Variants in ADARB2 observed in about 807,000 individuals in gnomAD.
The protein encoded by ADARB2 is inactive double-stranded RNA-specific editase B2.
In ADARB2, 25 loss-of-function variants were observed where a neutral mutation model predicts 62.2. The ratio of observed to expected loss-of-function variants is 0.40; its 90% CI spans 0.29 to 0.56. The LOEUF is 0.56. Among genes scored for constraint, ADARB2 ranks in the 20% least tolerant of loss-of-function variants. ADARB2 has a pLI of 0.43. For missense variants in ADARB2, 1,071 were observed against 1,077.4 expected (o/e 0.99, Z 0.08); for synonymous variants, 572 against 500.8 (o/e 1.14, Z -1.90).
intron 3 of ADARB2, among the ~76,000 whole-genome samples, chr10:1,279,605 C>T (rs1831352676): frequency 1.3e-5 from 2 of 152,184 alleles, no homozygotes; most frequent in South Asian, 2.1e-4. Context: ...TGTGAGTCAC[C>T]GTTCCTGGCC....
At chr10:1,247,040 G>A (rs1000341801) in intron 4 of ADARB2, among the ~76,000 whole-genome samples, 3 of 152,052 alleles carry the variant, frequency 2.0e-5, no homozygotes, top group African/African-American at 7.2e-5. Context: ...CCTTGAAGAG[G>A]TCCTTCACAT....
chr10:1,411,585 C>T (rs916934568), intron 1 of ADARB2, among the ~76,000 whole-genome samples: 2 of 152,230 alleles, frequency 1.3e-5, no homozygotes, highest in African/African-American at 2.4e-5. Flanking sequence ...ACTAAAGCGA[C>T]AGGCACCACA....
rs528809581 is a variant in ADARB2 at position 1,725,497 on chromosome 10, C to G, written c.100+11554G>C. 3.9e-5 allele frequency among the ~76,000 whole-genome samples: 6 copies of G among 152,180 alleles called. No homozygotes were observed. The South Asian group carries it at 1.2e-3, about 32-fold the overall frequency. ...AGCCCAGAGGAAGAGACGCCCAGGA[C>G]TCTGCGGTGGGGGAAGACCCCCTCC... On this transcript the variant is annotated intron_variant, in intron 1 of 9. Coordinates refer to ENST00000381312, the MANE Select transcript of ADARB2 (RefSeq NM_018702.4).
intron 1 of ADARB2, among the ~76,000 whole-genome samples, chr10:1,645,687 T>A (rs533791452): frequency 6.6e-6 from 1 of 152,136 alleles, no homozygotes; most frequent in South Asian, 2.1e-4. Context: ...AGTCCATCCC[T>A]GGCACTTGAC....
intron 1 of ADARB2, among the ~76,000 whole-genome samples, chr10:1,709,208 C>T (rs891426778): frequency 4.6e-5 from 7 of 152,152 alleles, no homozygotes; most frequent in Non-Finnish European, 1.5e-5. Context: ...TGCTAAGTCT[C>T]TTAAGGGGAT....
chr10:1,673,314 ATG>A (rs66687699), intron 1 of ADARB2, among the ~76,000 whole-genome samples: 44,792 of 149,600 alleles, frequency 0.3, 7,389 homozygotes, highest in East Asian at 0.4. Context: ...ATTTCATTTT[ATG>A]TGTGTGTGTG....
At chr10:1,664,643 G>T (rs141199544) in intron 1 of ADARB2, among the ~76,000 whole-genome samples, 1 of 152,180 alleles carries the variant, frequency 6.6e-6, no homozygotes, top group African/African-American at 2.4e-5. Flanking sequence ...CATCTCGGTC[G>T]TCTGGTAGGA....
chr10:1,634,670 TAGA>T (rs1273462947), intron 1 of ADARB2, among the ~76,000 whole-genome samples: 1 of 152,212 alleles, frequency 6.6e-6, no homozygotes, highest in East Asian at 1.9e-4. Flanking sequence ...CTCAAAACTT[TAGA>T]AGCACACAAT....
At chr10:1,574,815 A>T (rs1832988183) in intron 1 of ADARB2, among the ~76,000 whole-genome samples, 1 of 152,230 alleles carries the variant, frequency 6.6e-6, no homozygotes, top group African/African-American at 2.4e-5. Flanking sequence ...CGGGGGACAC[A>T]TACAGCCTGG....
chr10:1,668,651 G>A (rs1478006384), intron 1 of ADARB2, among the ~76,000 whole-genome samples: 2 of 152,182 alleles, frequency 1.3e-5, no homozygotes, highest in African/African-American at 4.8e-5. Context: ...GACCAACACT[G>A]TCACCATCTC....
chr10:1,440,707 C>A (rs113856464), intron 1 of ADARB2, among the ~76,000 whole-genome samples: 13 of 152,166 alleles, frequency 8.5e-5, no homozygotes, highest in African/African-American at 3.1e-4. Flanking sequence ...CCAAGATAAG[C>A]TATGAGCCAA....
chr10:1,675,938 G>T, intron 1 of ADARB2: 1 of 931,024 alleles, frequency 1.1e-6, no homozygotes, highest in Non-Finnish European at 1.3e-6. Flanking sequence ...AGTTGAATCT[G>T]CTCAGACTTG....
chr10:1,424,428 T>C (rs561839748), intron 1 of ADARB2, among the ~76,000 whole-genome samples: 1 of 152,224 alleles, frequency 6.6e-6, no homozygotes, highest in Non-Finnish European at 1.5e-5. Context: ...TGGCATGCTC[T>C]GAGGCCTCTT....
chr10:1,328,372 T>C (rs1004639581), intron 3 of ADARB2, among the ~76,000 whole-genome samples: 4 of 152,166 alleles, frequency 2.6e-5, no homozygotes, highest in Admixed American at 2.0e-4. Context: ...AGAAAGGCTC[T>C]TAAGGGTGGA....
intron 2 of ADARB2, among the ~76,000 whole-genome samples, chr10:1,365,729 C>A (rs1163600684): frequency 2.6e-5 from 4 of 152,242 alleles, no homozygotes; most frequent in Non-Finnish European, 5.9e-5. Flanking sequence ...AATAAAGAAA[C>A]ACACACCTTA....
intron 1 of ADARB2, among the ~76,000 whole-genome samples, chr10:1,421,106 AG>A (rs34625866): frequency 0.33 from 49,812 of 151,710 alleles, 8,732 homozygotes; most frequent in East Asian, 0.59. Context: ...GATGTGAGTC[AG>A]GTCCCCAGGA....
chr10:1,250,306 T>G (rs1409419156), intron 4 of ADARB2, among the ~76,000 whole-genome samples: 2 of 151,880 alleles, frequency 1.3e-5, no homozygotes, highest in Admixed American at 6.6e-5. Context: ...TGTGGCGGTG[T>G]TGGGGGGTGA....
intron 3 of ADARB2, among the ~76,000 whole-genome samples, chr10:1,358,998 T>A (rs1292831755): frequency 6.6e-6 from 1 of 152,238 alleles, no homozygotes; most frequent in African/African-American, 2.4e-5. Context: ...TGGTTGCGTT[T>A]TTGCTTAGGA....
intron 4 of ADARB2, among the ~76,000 whole-genome samples, chr10:1,259,826 A>C (rs1442925487): frequency 3.3e-5 from 5 of 152,232 alleles, no homozygotes; most frequent in Admixed American, 2.0e-4. Flanking sequence ...CTGATACCAA[A>C]GCCTGGCAGA....
Sources: gnomAD v4.1 joint callset for allele counts (sites outside exome capture counted in the v4.1 genomes callset) on GRCh38, gnomAD v4.1.1 for gene constraint, MANE v1.5 for transcripts, NCBI Gene and HGNC (gene_info 2026-07-23, HGNC 2026-07-21) for gene names.